GPHN: variants seen among roughly 807,000 people sequenced by gnomAD.
GPHN encodes the protein gephyrin.
A neutral mutation model predicts 95.5 loss-of-function variants in GPHN; 17 were observed. The observed-to-expected ratio is 0.18, with a 90% CI of 0.12 to 0.27. The LOEUF (loss-of-function observed/expected upper bound fraction) is 0.27, where lower values mean the gene tolerates loss of function less well. Among genes scored for constraint, GPHN ranks in the 10% least tolerant of loss-of-function variants. The pLI is 1.00. For missense variants in GPHN, 660 were observed against 978.1 expected (o/e 0.67, Z 4.34); for synonymous variants, 320 against 322.5 (o/e 0.99, Z 0.08).
At chr14:67,726,769 T>G in the GPHN span, among the ~76,000 whole-genome samples, 21 of 152,160 alleles carry the variant, frequency 1.4e-4, no homozygotes, top group South Asian at 8.3e-4. Context: ...GTAATATAAT[T>G]AAGTATGATT....
chr14:67,405,160 G>A, the GPHN span, among the ~76,000 whole-genome samples: 1 of 146,570 alleles, frequency 6.8e-6, no homozygotes, highest in African/African-American at 2.6e-5. Context: ...TTGAATCCTG[G>A]AAGTGGAGGT....
chr14:67,656,719 A>G, the GPHN span: 27 of 1,022,926 alleles, frequency 2.6e-5, no homozygotes, highest in Non-Finnish European at 1.5e-5. Flanking sequence ...TTAAGACAGA[A>G]CCAAAGAAGC....
chr14:66,602,296 C>T (rs2062290189), intron 1 of GPHN, among the ~76,000 whole-genome samples: 1 of 151,926 alleles, frequency 6.6e-6, no homozygotes, highest in Admixed American at 6.6e-5. Flanking sequence ...TTATATTTAG[C>T]TTTATAATCA....
chr14:67,390,658 C>G, the GPHN span: 1 of 1,599,798 alleles, frequency 6.3e-7, no homozygotes, highest in African/African-American at 1.3e-5. Context: ...AGCATGCGCA[C>G]TCACTTTGGA....
the GPHN span, among the ~76,000 whole-genome samples, chr14:67,459,629 G>T: frequency 3.9e-5 from 6 of 152,294 alleles, no homozygotes; most frequent in South Asian, 1.2e-3. Flanking sequence ...AAGCTGAAAG[G>T]CCTCCCTGGT....
chr14:67,651,745 C>A, the GPHN span: 1 of 293,072 alleles, frequency 3.4e-6, no homozygotes, highest in Admixed American at 4.8e-5. Context: ...TAGTTACTTC[C>A]TTTAAAAATA....
At chr14:67,724,715 A>C in the GPHN span, 1 of 788,786 alleles carries the variant, frequency 1.3e-6, no homozygotes, top group Non-Finnish European at 2.2e-6. Context: ...AATTCAAGGA[A>C]CCTGGGATTC....
chr14:66,713,643 GA>G (rs1305358903), intron 2 of GPHN, among the ~76,000 whole-genome samples: 5 of 152,042 alleles, frequency 3.3e-5, no homozygotes, highest in Middle Eastern at 3.4e-3. Context: ...ATGAATGTTA[GA>G]ATTTTTTTTT....
the GPHN span, among the ~76,000 whole-genome samples, chr14:67,214,004 A>G: frequency 9.2e-5 from 14 of 151,910 alleles, no homozygotes; most frequent in Middle Eastern, 0.017. Context: ...CCACTTTTTG[A>G]TGGGGTTGTT....
At chr14:66,819,463 A>G (rs1215141993) in intron 3 of GPHN, among the ~76,000 whole-genome samples, 1 of 152,002 alleles carries the variant, frequency 6.6e-6, no homozygotes, top group Non-Finnish European at 1.5e-5. Flanking sequence ...AAGATCAGAC[A>G]GTTGTAGGTG....
chr14:67,659,926 G>A, the GPHN span: 15 of 1,611,838 alleles, frequency 9.3e-6, no homozygotes, highest in South Asian at 1.7e-4. Context: ...CTGCCAGCTG[G>A]GAAGGCAGAA....
the GPHN span, chr14:67,380,619 T>C: frequency 2.5e-6 from 3 of 1,190,482 alleles, no homozygotes; most frequent in East Asian, 7.7e-5. Context: ...ATCAGTAATA[T>C]AACCTTGACC....
At chr14:67,261,102 A>T in the GPHN span, among the ~76,000 whole-genome samples, 1 of 152,200 alleles carries the variant, frequency 6.6e-6, no homozygotes, top group Non-Finnish European at 1.5e-5. Context: ...GAGATAATGT[A>T]TGTCAGGTGC....
the GPHN span, among the ~76,000 whole-genome samples, chr14:67,404,075 T>C: frequency 1.3e-5 from 2 of 151,636 alleles, no homozygotes; most frequent in African/African-American, 2.4e-5. Flanking sequence ...GAAAATAATA[T>C]AGATTATAGA....
At chr14:67,367,801 A>C in the GPHN span, among the ~76,000 whole-genome samples, 9 of 151,864 alleles carry the variant, frequency 5.9e-5, no homozygotes, top group African/African-American at 1.9e-4. Flanking sequence ...GCACCGCTGC[A>C]CTCCAACCTG....
At chr14:67,393,102 C>T in the GPHN span, 1 of 1,371,564 alleles carries the variant, frequency 7.3e-7, no homozygotes, top group East Asian at 2.3e-5. Flanking sequence ...CCCTGCATCA[C>T]CATGTCCCAG....
rs567376363 is a variant in GPHN, at chr14:66,852,523, C to A, written c.295-27416C>A. 2.0e-5 allele frequency among the ~76,000 whole-genome samples: 3 copies of A among 152,318 alleles called. No individual in the cohort carries two copies. The East Asian group carries it at 5.8e-4, about 29-fold the overall frequency. On this transcript the variant is annotated intron_variant, in intron 4 of 22. Coordinates refer to ENST00000478722, the MANE Select transcript of GPHN (RefSeq NM_020806.5). ...AGAAAAGTGTCTTAAGCAGAATGAA[C>A]TTAGTTCCCTGTTATTATTTCTGGG...
intron 3 of GPHN, among the ~76,000 whole-genome samples, chr14:66,820,133 A>C (rs928098594): frequency 6.6e-6 from 1 of 152,172 alleles, no homozygotes; most frequent in African/African-American, 2.4e-5. Context: ...GCTATGAAAG[A>C]TAAGGATATT....
the GPHN span, among the ~76,000 whole-genome samples, chr14:67,293,918 A>G: frequency 6.6e-6 from 1 of 152,198 alleles, no homozygotes; most frequent in Non-Finnish European, 1.5e-5. Flanking sequence ...ACAGATCACA[A>G]TTGCTCCAAT....
Sources: allele counts gnomAD v4.1 joint callset (sites outside exome capture counted in the v4.1 genomes callset), GRCh38; gene constraint gnomAD v4.1.1; transcripts MANE v1.5; gene names NCBI Gene and HGNC (gene_info 2026-07-23, HGNC 2026-07-21).